Variants in PAX7 observed in about 807,000 individuals in gnomAD.
PAX7 encodes paired box 7.
PAX7 carries 18 observed loss-of-function variants against 50.7 expected under a neutral mutation model. That is an observed-to-expected ratio of 0.36 (90% confidence interval 0.25 to 0.53). PAX7 has a LOEUF of 0.53. PAX7 is among the 20% of genes least tolerant of loss of function. The pLI is 0.93. For missense variants in PAX7, 644 were observed against 702.9 expected, an observed-to-expected ratio of 0.92 and a Z score of 0.95; for synonymous variants, 310 against 290.4, an observed-to-expected ratio of 1.07 and a Z score of -0.69.
chr1:18,631,816 TC>T, intron 1 of PAX7, 128 bp downstream of exon 1: 1 of 771,858 alleles, frequency 1.3e-6, no homozygotes, highest in Non-Finnish European at 2.1e-6. Flanking sequence ...CTCTTCTGGG[TC>T]CCAGTCCGGG....
At chr1:18,638,087 T>G (rs1206443838) in intron 4 of PAX7, among the ~76,000 whole-genome samples, 1 of 152,252 alleles carries the variant, frequency 6.6e-6, no homozygotes, top group Non-Finnish European at 1.5e-5. Context: ...ACAAATAATC[T>G]TTCCTGCACA....
chr1:18,736,242 A>G, intron 8 of PAX7: 1 of 499,142 alleles, frequency 2.0e-6, no homozygotes, highest in Non-Finnish European at 3.6e-6. Context: ...AGGCAAACGA[A>G]TCACTTGAGC....
Position 18,735,773 on chromosome 1 carries a change from G to A in PAX7, c.1297G>A (p.Gly433Arg). The change falls in exon 8 of 9, where the codon GGA (glycine) becomes AGA (arginine). Residue 433 changes from glycine (G) to arginine (R), a missense_variant. Coordinates refer to ENST00000420770, the MANE Select transcript of PAX7 (RefSeq NM_001135254.2). This position sits in a 1 kb window ranked among gnomAD's most constrained non-coding sequence, Gnocchi z 4.0. ...CCAGCGGGCCGACTCCATCAAGCCA[G>A]GAGACAGCCTGCCCACCTCCCAGGC... is the stretch of plus-strand genomic sequence containing the variant. ...CSQRADSIKPGDSLPTSQAYC... is the reference protein window; with the variant it reads ...CSQRADSIKPRDSLPTSQAYC... The A allele has an allele frequency of 1.9e-6, 3 of 1,614,154 alleles. No individual in the cohort carries two copies. Among genetic ancestry groups the A allele is most frequent in the Non-Finnish European group, 2.5e-6 (3 of 1,180,022 alleles).
In PAX7 at chr1:18,691,845, C is replaced by G. The variant is rs780661244; in HGVS notation, c.678C>G (p.Ala226=). The change falls in exon 5 of 9, where the codon GCC becomes GCG. Residue 226 remains alanine (A), a synonymous_variant. Coordinates refer to ENST00000420770, the MANE Select transcript of PAX7 (RefSeq NM_001135254.2). Reference sequence around the variant, plus strand: ...GACGCAGTCGGACCACATTCACGGCCGAGCAGCTGGAGGAGCTGGAGAAGG... The same window carrying G: ...GACGCAGTCGGACCACATTCACGGCGGAGCAGCTGGAGGAGCTGGAGAAGG... The part of the protein sequence containing the change: ...KQRRSRTTFT[A]EQLEELEKAF... The G allele has an allele frequency of 6.2e-7, 1 of 1,613,748 alleles. No individual in the cohort carries two copies. Among genetic ancestry groups the G allele is most frequent in the Non-Finnish European group, 8.5e-7 (1 of 1,179,916 alleles).
At chr1:18,706,147 G>A (rs958070146) in intron 7 of PAX7, among the ~76,000 whole-genome samples, 7 of 152,188 alleles carry the variant, frequency 4.6e-5, no homozygotes, top group African/African-American at 1.7e-4. Flanking sequence ...CCTCACTCTG[G>A]GCAGGTGGAC....
rs370626233 is a variant in PAX7, at chr1:18,637,577, A to G, written c.586+1206A>G. Among the ~76,000 whole-genome samples the G allele has an allele frequency of 2.2e-4, 33 of 152,328 alleles. 1 individual carries two copies. In the South Asian group the frequency reaches 2.7e-3, roughly 12 times the overall value. On this transcript the variant is annotated intron_variant, in intron 4 of 8. Coordinates refer to ENST00000420770, the MANE Select transcript of PAX7 (RefSeq NM_001135254.2). ...GGTTTCTCCCAGCACCCCTCTCCTC[A>G]CGACCCAAGCACTCCTAGCCCAGGT...
rs900671673 is a variant in PAX7, at chr1:18,631,607, G to A, written c.4G>A (p.Ala2Thr). The change falls in exon 1 of 9, where the codon GCG (alanine) becomes ACG (threonine). Residue 2 changes from alanine to threonine, a missense_variant. By Grantham distance (58) the Ala-to-Thr change is moderately conservative. Coordinates refer to ENST00000420770, the MANE Select transcript of PAX7 (RefSeq NM_001135254.2). The stretch of plus-strand genomic sequence containing the variant: ...TTCGTCCCCGGCGTGCGCAAGAATG[G>A]CGGCCCTTCCCGGCACGGTACCGAG... M[A>T]ALPGTVPRMM... The A allele has an allele frequency of 1.2e-5, 19 of 1,612,060 alleles. No individual in the cohort carries two copies. The highest frequency in any genetic ancestry group is 9.3e-5 in the African/African-American group (7 of 74,928).
intron 7 of PAX7, among the ~76,000 whole-genome samples, chr1:18,713,169 G>A (rs1181649887): frequency 6.6e-6 from 1 of 152,176 alleles, no homozygotes; most frequent in Middle Eastern, 3.2e-3. Flanking sequence ...TCCAGAGGGT[G>A]TGGGCAGGAG....
chr1:18,744,705 G>GATGGATAA (rs1553145071), intron 8 of PAX7, 109 bp from the exon 9 acceptor site: 4 of 598,098 alleles, frequency 6.7e-6, no homozygotes, highest in Non-Finnish European at 1.2e-5. Flanking sequence ...TGGATGGATG[G>GATGGATAA]ATGGATGGAT....
chr1:18,711,567 A>G (rs764781039), intron 7 of PAX7, among the ~76,000 whole-genome samples: 25 of 152,134 alleles, frequency 1.6e-4, no homozygotes, highest in Non-Finnish European at 3.1e-4. Context: ...TGCCAGGTGC[A>G]GGGGGTTCCC....
At chr1:18,725,929 A>T (rs72650347) in intron 7 of PAX7, among the ~76,000 whole-genome samples, 2 of 152,304 alleles carry the variant, frequency 1.3e-5, no homozygotes, top group East Asian at 3.9e-4. Flanking sequence ...ATATTTCTAG[A>T]TGTTTCCAGA....
chr1:18,746,610 G>T lies in PAX7; in HGVS notation c.*1681G>T, dbSNP rs1931452089. The T allele has an allele frequency of 4.3e-6, 1 of 231,120 alleles. No individual in the cohort carries two copies. The highest frequency in any genetic ancestry group is 2.2e-5 in the African/African-American group (1 of 45,226). The allele number at this position is 231,120 out of a possible 1,614,324, so 14.3% of individuals were successfully genotyped here. On this transcript the variant is annotated 3_prime_UTR_variant, in exon 9 of 9. Transcript: ENST00000420770. ...TCACAAACATTGGACCAAACTGTTT[G>T]TCCCCATCTGGGTTCATGAGGCCAC...
At chr1:18,714,124 T>C (rs2089388241) in intron 7 of PAX7, among the ~76,000 whole-genome samples, 1 of 152,076 alleles carries the variant, frequency 6.6e-6, no homozygotes, top group African/African-American at 2.4e-5. Flanking sequence ...GGAGAATTGC[T>C]TGGACCCCGG....
intron 4 of PAX7, among the ~76,000 whole-genome samples, chr1:18,691,088 C>T (rs480856): frequency 0.69 from 104,818 of 152,018 alleles, 36,422 homozygotes; most frequent in Middle Eastern, 0.76. Context: ...AGCGATTCTC[C>T]CACCTCAGCC....
At chr1:18,692,452 G>A (rs1367993301) in intron 5 of PAX7, among the ~76,000 whole-genome samples, 1 of 152,098 alleles carries the variant, frequency 6.6e-6, no homozygotes, top group Non-Finnish European at 1.5e-5. Context: ...TGAGGCAGGA[G>A]AGTCACTTGA....
intron 4 of PAX7, among the ~76,000 whole-genome samples, chr1:18,651,795 G>A (rs1165075193): frequency 1.2e-4 from 18 of 145,030 alleles, no homozygotes; most frequent in African/African-American, 4.2e-4. Flanking sequence ...GCTTCACAGT[G>A]CCACCCCTCC....
At chr1:18,731,059 C>G (rs17352351) in intron 7 of PAX7, among the ~76,000 whole-genome samples, 1 of 152,002 alleles carries the variant, frequency 6.6e-6, no homozygotes, top group East Asian at 1.9e-4. Flanking sequence ...GAGTTAGTAA[C>G]GGTAACCTAC....
intron 7 of PAX7, among the ~76,000 whole-genome samples, chr1:18,711,835 G>C (rs1022130391): frequency 6.6e-6 from 1 of 152,182 alleles, no homozygotes; most frequent in Admixed American, 6.5e-5. Context: ...CCAGGAGTCC[G>C]TGGCTGGATC....
Position 18,735,530 on chromosome 1 carries a change from C to G in PAX7, c.1156-102C>G. The G allele has an allele frequency of 6.6e-7, 1 of 1,519,914 alleles. No individual in the cohort carries two copies. The highest frequency in any genetic ancestry group is 8.8e-7 in the Non-Finnish European group (1 of 1,131,210). 94.2% of individuals were successfully genotyped at this position (1,519,914 alleles called of 1,614,324 possible). Reference sequence around the variant, plus strand: ...CTACAGAGACTTCAAGGGAACAACTCTGGCAAAGAGTGTTCCAGGGCCAGC... The same window carrying G: ...CTACAGAGACTTCAAGGGAACAACTGTGGCAAAGAGTGTTCCAGGGCCAGC... On this transcript the variant is annotated intron_variant, in intron 7 of 8. Transcript: ENST00000420770. The surrounding 1 kb of genome is among the most constrained non-coding windows in gnomAD (Gnocchi z 4.0).
Sources: gnomAD v4.1 joint callset for allele counts (sites outside exome capture counted in the v4.1 genomes callset) on GRCh38, gnomAD v4.1.1 for gene constraint, Gnocchi (gnomAD v3.1) non-coding constraint, MANE v1.5 for transcripts, NCBI Gene and HGNC (gene_info 2026-07-23, HGNC 2026-07-21) for gene names.